Variants in STK39 observed in about 807,000 individuals in gnomAD.
STK39 encodes the protein STE20/SPS1-related proline-alanine-rich protein kinase.
Under a neutral mutation model 77.8 loss-of-function variants are expected in STK39, and 20 were observed. That is an observed-to-expected ratio of 0.26 (90% CI 0.18 to 0.37). The LOEUF is 0.37. Ranked by LOEUF, STK39 falls within the 10% of genes least tolerant of loss-of-function variation. The pLI is 1.00. For missense variants in STK39, 479 were observed against 656.5 expected, an observed-to-expected ratio of 0.73 and a Z score of 2.95; for synonymous variants, 246 against 234.1, an observed-to-expected ratio of 1.05 and a Z score of -0.47.
intron 1 of STK39, among the ~76,000 whole-genome samples, chr2:168,207,736 A>ATACCAGG: frequency 6.6e-6 from 1 of 152,354 alleles, no homozygotes; most frequent in East Asian, 1.9e-4. Context: ...CAATAAAAAC[A>ATACCAGG]TACCAGGTAC....
intron 12 of STK39, among the ~76,000 whole-genome samples, chr2:168,071,250 T>G (rs543464081): frequency 6.6e-6 from 1 of 152,318 alleles, no homozygotes; most frequent in African/African-American, 2.4e-5. Context: ...TGCCTACTCA[T>G]GCACTTGTTT....
At chr2:168,019,497 C>A (rs539008511) in intron 14 of STK39, among the ~76,000 whole-genome samples, 1 of 152,180 alleles carries the variant, frequency 6.6e-6, no homozygotes, top group African/African-American at 2.4e-5. Flanking sequence ...TTGAAACGTA[C>A]CCTTGCGAAG....
chr2:168,035,320 T>C (rs1185103451), intron 14 of STK39, among the ~76,000 whole-genome samples: 1 of 152,198 alleles, frequency 6.6e-6, no homozygotes, highest in Non-Finnish European at 1.5e-5. Context: ...TTTAGAATAA[T>C]AATTAAAAAC....
chr2:167,992,327 C>CCAA (rs1245883377), intron 16 of STK39, among the ~76,000 whole-genome samples: 1 of 151,942 alleles, frequency 6.6e-6, no homozygotes, highest in Non-Finnish European at 1.5e-5. Flanking sequence ...AACCTGCCCC[C>CCAA]CAACAACAAC....
intron 1 of STK39, among the ~76,000 whole-genome samples, chr2:168,206,872 C>G (rs142589635): frequency 2.3e-4 from 35 of 152,298 alleles, no homozygotes; most frequent in African/African-American, 8.4e-4. Flanking sequence ...TCACACACAT[C>G]TTCATGCTTC....
At position 168,247,545 on chromosome 2, in the gene STK39, C is replaced by CCGCCGCCGCCGT. The variant is rs1690970972; in HGVS notation, c.-111_-110insACGGCGGCGGCG. ...CTCGGCCGGCGCACGCCCTCCCCGC[C>CCGCCGCCGCCGT]CGCCGCCGCCGCCGCCGTCCCCGCC... On this transcript the variant is annotated 5_prime_UTR_variant, in exon 1 of 18. Transcript: ENST00000355999. 2 of 471,046 alleles carry CCGCCGCCGCCGT rather than the reference C, an allele frequency of 4.2e-6. No homozygotes were observed. Among genetic ancestry groups the CCGCCGCCGCCGT allele is most frequent in the Non-Finnish European group, 5.0e-6 (2 of 397,774 alleles). The allele number at this position is 471,046 out of a possible 1,614,324, so 29.2% of individuals were successfully genotyped here.
intron 1 of STK39, among the ~76,000 whole-genome samples, chr2:168,211,569 C>T (rs555651644): frequency 6.6e-6 from 1 of 152,316 alleles, no homozygotes; most frequent in African/African-American, 2.4e-5. Flanking sequence ...AGGAAGTATT[C>T]CTGCCTTAAA....
rs1234451200 is a variant in STK39, at chr2:168,214,646, AAAG to A, written c.209-32559_209-32557del. ...ATGTTATGTGGATTACACCTCAGAAAAAGAAGCATGTAAAATAATAACATGTTT... is the reference window on the plus strand; with the variant it reads ...ATGTTATGTGGATTACACCTCAGAAAAAGCATGTAAAATAATAACATGTTT... On this transcript the variant is annotated intron_variant, in intron 1 of 17. Coordinates refer to ENST00000355999, the MANE Select transcript of STK39 (RefSeq NM_013233.3). Among the ~76,000 whole-genome samples, 9 of 152,376 alleles carry A rather than the reference AAAG, an allele frequency of 5.9e-5. No individual in the cohort carries two copies. In the South Asian group the frequency reaches 1.2e-3, roughly 21 times the overall value.
intron 10 of STK39, among the ~76,000 whole-genome samples, chr2:168,076,923 G>C (rs760953649): frequency 2.1e-4 from 32 of 152,144 alleles, no homozygotes; most frequent in Non-Finnish European, 4.1e-4. Flanking sequence ...TTGCAGAACA[G>C]ATTGCTCATT....
chr2:168,064,495 A>G (rs1363671238), intron 13 of STK39, among the ~76,000 whole-genome samples: 2 of 152,160 alleles, frequency 1.3e-5, no homozygotes, highest in African/African-American at 2.4e-5. Context: ...CCCTCTATAT[A>G]TAAGCTATAA....
chr2:167,993,302 T>A (rs1000464975), intron 16 of STK39, among the ~76,000 whole-genome samples: 1 of 152,140 alleles, frequency 6.6e-6, no homozygotes, highest in African/African-American at 2.4e-5. Flanking sequence ...TATGGACCAA[T>A]CACAGGGGAG....
Position 168,200,873 on chromosome 2 carries a change from A to G in STK39, c.209-18783T>C, listed in dbSNP as rs116856581. Among the ~76,000 whole-genome samples, 234 of 152,284 alleles carry G rather than the reference A, an allele frequency of 1.5e-3. No individual in the cohort carries two copies. In the East Asian group the frequency reaches 0.023, roughly 15 times the overall value. On this transcript the variant is annotated intron_variant, in intron 1 of 17. Transcript: ENST00000355999. Reference sequence around the variant, plus strand: ...AATCCACAGAAATGTCCACCTGCCAATGGGCTCAGGGGCCCATCATCATCA... The same window carrying G: ...AATCCACAGAAATGTCCACCTGCCAGTGGGCTCAGGGGCCCATCATCATCA...
At chr2:168,055,979 A>T (rs1685513642) in intron 14 of STK39, among the ~76,000 whole-genome samples, 1 of 152,160 alleles carries the variant, frequency 6.6e-6, no homozygotes, top group Non-Finnish European at 1.5e-5. Flanking sequence ...AATTTTTTTG[A>T]TATCATAGAT....
At chr2:168,044,144 A>C (rs1222301407) in intron 14 of STK39, among the ~76,000 whole-genome samples, 1 of 152,200 alleles carries the variant, frequency 6.6e-6, no homozygotes, top group Admixed American at 6.5e-5. Flanking sequence ...CAGCACAAGT[A>C]AATAACAATA....
intron 1 of STK39, among the ~76,000 whole-genome samples, chr2:168,185,211 T>C (rs940781939): frequency 3.3e-5 from 5 of 152,250 alleles, no homozygotes; most frequent in African/African-American, 1.2e-4. Context: ...TAAGAGTTCT[T>C]AACATTTTAT....
chr2:168,148,578 G>T (rs2390638), intron 5 of STK39, among the ~76,000 whole-genome samples: 151,425 of 152,322 alleles, frequency 0.99, 75,269 homozygotes, highest in Middle Eastern at 1. Flanking sequence ...CAACAAGACC[G>T]GCAGCAGCAG....
rs530737864 is a variant in STK39 at position 168,007,487 on chromosome 2, T to C, written c.1498+5147A>G. On this transcript the variant is annotated intron_variant, in intron 16 of 17. Transcript: ENST00000355999. ...AATCCTGGCCTTAAAAAACTGATGCTCAAGGGGAAGTCCTATATAGCTGAC... is the reference window on the plus strand; with the variant it reads ...AATCCTGGCCTTAAAAAACTGATGCCCAAGGGGAAGTCCTATATAGCTGAC... Among the ~76,000 whole-genome samples the C allele has an allele frequency of 2.0e-5, 3 of 152,198 alleles. No individual in the cohort carries two copies. In the East Asian group the frequency reaches 5.8e-4, roughly 29 times the overall value.
intron 1 of STK39, among the ~76,000 whole-genome samples, chr2:168,191,596 A>C (rs1205958412): frequency 6.6e-6 from 1 of 152,120 alleles, no homozygotes; most frequent in African/African-American, 2.4e-5. Flanking sequence ...AATTATTGCA[A>C]CTGGAGGCCT....
chr2:168,229,552 C>T (rs1690398154), intron 1 of STK39, among the ~76,000 whole-genome samples: 1 of 152,130 alleles, frequency 6.6e-6, no homozygotes, highest in Non-Finnish European at 1.5e-5. Context: ...TCCTAATAGG[C>T]TAGCAATTCT....
Sources: allele counts gnomAD v4.1 joint callset (sites outside exome capture counted in the v4.1 genomes callset), GRCh38; gene constraint gnomAD v4.1.1; transcripts MANE v1.5; gene names NCBI Gene and HGNC (gene_info 2026-07-23, HGNC 2026-07-21).